Variants in MYO1H observed in about 807,000 individuals in gnomAD.
The protein encoded by MYO1H is myosin IH, also known as unconventional myosin-Ih.
A neutral mutation model predicts 149.3 loss-of-function variants in MYO1H; 118 were observed. The ratio of observed to expected loss-of-function variants is 0.79; its 90% confidence interval spans 0.68 to 0.92. The LOEUF (loss-of-function observed/expected upper bound fraction) is 0.92. Among genes scored for constraint, MYO1H ranks in the 40% least tolerant of loss-of-function variants. The probability of loss-of-function intolerance (pLI) is 0.00; values close to 1 mark genes in which losing one functional copy is unlikely to be tolerated. For missense variants in MYO1H, 1,212 were observed against 1,280.7 expected, an observed-to-expected ratio of 0.95 and a Z score of 0.82; for synonymous variants, 447 against 465.2, an observed-to-expected ratio of 0.96 and a Z score of 0.50.
At chr12:109,400,273 G>A (rs1870106781) in intron 5 of MYO1H, among the ~76,000 whole-genome samples, 1 of 152,166 alleles carries the variant, frequency 6.6e-6, no homozygotes. Flanking sequence ...TTGGATTAAA[G>A]AAGTGGAATT....
At chr12:109,396,385 T>G in exon 4 of MYO1H, 1 of 1,601,594 alleles carries the variant, frequency 6.2e-7, no homozygotes. Context: ...CTCCTCCAGC[T>G]ACGCTATAGC....
the MYO1H span, among the ~76,000 whole-genome samples, chr12:109,324,223 T>C: frequency 0.038 from 5,830 of 152,240 alleles, 311 homozygotes; most frequent in East Asian, 0.15. Flanking sequence ...GGCCTTTCCA[T>C]GCGCTGGGCT....
At chr12:109,446,720 C>T (rs1327790251) in intron 31 of MYO1H, among the ~76,000 whole-genome samples, 1 of 152,182 alleles carries the variant, frequency 6.6e-6, no homozygotes, top group Non-Finnish European at 1.5e-5. Context: ...GCTGAGATCG[C>T]ACCACTACAC....
chr12:109,329,033 CT>C, the MYO1H span, among the ~76,000 whole-genome samples: 40,580 of 131,864 alleles, frequency 0.31, 5,580 homozygotes, highest in African/African-American at 0.42. Flanking sequence ...TCTTTTTTTT[CT>C]TTTTTTTTTT....
intron 30 of MYO1H, 125 bp downstream of exon 30, chr12:109,444,654 G>T: frequency 1.4e-6 from 1 of 735,934 alleles, no homozygotes; most frequent in Non-Finnish European, 2.3e-6. Context: ...ATAACTTGAG[G>T]CTAGGAGTTC....
At chr12:109,353,372 T>C (rs10774658) in intron 1 of MYO1H, among the ~76,000 whole-genome samples, 65,098 of 127,472 alleles carry the variant, frequency 0.51, 16,270 homozygotes, top group African/African-American at 0.64. Flanking sequence ...CCAGCCTGGG[T>C]GACAGAGCGA....
At chr12:109,328,365 T>C in the MYO1H span, among the ~76,000 whole-genome samples, 1 of 152,124 alleles carries the variant, frequency 6.6e-6, no homozygotes, top group African/African-American at 2.4e-5. Context: ...TTTTATTTTA[T>C]CTTATTTTTT....
At chr12:109,331,847 A>C in the MYO1H span, among the ~76,000 whole-genome samples, 4 of 152,182 alleles carry the variant, frequency 2.6e-5, no homozygotes, top group Non-Finnish European at 5.9e-5. Context: ...ATTTAGTGCA[A>C]TTCTGCTGTG....
Position 109,414,884 on chromosome 12 carries a change from A to AT in MYO1H, c.1503-632dup, listed in dbSNP as rs113872697. Among the ~76,000 whole-genome samples, 1,343 of 148,702 alleles carry AT rather than the reference A, an allele frequency of 9.0e-3. 18 individuals carry two copies. Among genetic ancestry groups the AT allele is most frequent in the Middle Eastern group, 0.021 (6 of 292 alleles). ...CTACCACTCCCAGCTAATTCTTTGT[A>AT]TTTTTTTTTTAAAGACAGGGTCTTG... On this transcript the variant is annotated intron_variant, in intron 14 of 31. Transcript: ENST00000310903.
At chr12:109,440,285 C>T (rs1252204209) in intron 24 of MYO1H, among the ~76,000 whole-genome samples, 2 of 151,060 alleles carry the variant, frequency 1.3e-5, no homozygotes, top group African/African-American at 2.5e-5. Context: ...ATCTGTCCGC[C>T]TCAGCCTCCC....
At chr12:109,443,009 A>AATATATATATAT (rs1335069078) in intron 27 of MYO1H, among the ~76,000 whole-genome samples, 2 of 58,492 alleles carry the variant, frequency 3.4e-5, no homozygotes, top group African/African-American at 2.1e-4. Flanking sequence ...AAAAAAAAAA[A>AATATATATATAT]ATATATATAT....
intron 3 of MYO1H, among the ~76,000 whole-genome samples, chr12:109,394,878 T>G (rs1267614280): frequency 6.6e-6 from 1 of 152,106 alleles, no homozygotes; most frequent in Non-Finnish European, 1.5e-5. Flanking sequence ...TCCTCCAACC[T>G]CAGCCTCCTA....
intron 5 of MYO1H, 41 bp downstream of exon 5, chr12:109,397,853 A>C (rs1311401917): frequency 6.7e-7 from 1 of 1,494,598 alleles, no homozygotes; most frequent in Non-Finnish European, 9.1e-7. Context: ...GGGACCCCTT[A>C]TTTTGCCAGT....
chr12:109,424,839 A>G lies in MYO1H; in HGVS notation c.1725+11A>G, dbSNP rs1213262608. The G allele has an allele frequency of 6.2e-7, 1 of 1,611,872 alleles. No homozygotes were observed. Among genetic ancestry groups the G allele is most frequent in the East Asian group, 2.2e-5 (1 of 44,862 alleles). ...AGGAGGCCCCCAACAGTGAGTGGGAAAAACACCCATGCAAAATTGGATCTC... is the reference window on the plus strand; with the variant it reads ...AGGAGGCCCCCAACAGTGAGTGGGAGAAACACCCATGCAAAATTGGATCTC... On this transcript the variant is annotated intron_variant, in intron 17 of 31. Coordinates refer to ENST00000310903, the Ensembl canonical transcript of MYO1H.
At chr12:109,429,178 G>C (rs1871505129) in intron 19 of MYO1H, among the ~76,000 whole-genome samples, 1 of 150,816 alleles carries the variant, frequency 6.6e-6, no homozygotes, top group African/African-American at 2.5e-5. Context: ...CTGCACTCCA[G>C]CCTGGGTGAT....
At chr12:109,421,239 C>T (rs1163723442) in intron 16 of MYO1H, among the ~76,000 whole-genome samples, 1 of 151,868 alleles carries the variant, frequency 6.6e-6, no homozygotes, top group Non-Finnish European at 1.5e-5. Flanking sequence ...CCCCTGGGCA[C>T]CAGCTCTGGA....
chr12:109,414,823 T>C (rs1054900060), intron 14 of MYO1H, among the ~76,000 whole-genome samples: 3 of 152,058 alleles, frequency 2.0e-5, no homozygotes, highest in Non-Finnish European at 4.4e-5. Context: ...TCCTCCCACC[T>C]CGGCCTCCTG....
At chr12:109,334,234 G>C in the MYO1H span, among the ~76,000 whole-genome samples, 8 of 152,102 alleles carry the variant, frequency 5.3e-5, no homozygotes, top group African/African-American at 1.9e-4. Flanking sequence ...GGCCAGGCTG[G>C]TCTCAAACTC....
At chr12:109,443,433 C>T in intron 27 of MYO1H, 81 bp from the exon 28 acceptor site, 1 of 1,501,532 alleles carries the variant, frequency 6.7e-7, no homozygotes. Flanking sequence ...AAATGCTTGA[C>T]ATCACTTTAC....
Sources: allele counts gnomAD v4.1 joint callset (sites outside exome capture counted in the v4.1 genomes callset), GRCh38; gene constraint gnomAD v4.1.1; transcripts MANE v1.5; gene names NCBI Gene and HGNC (gene_info 2026-07-23, HGNC 2026-07-21).